The following ASTN1 variants were observed in gnomAD, a reference collection of about 807,000 sequenced individuals.
The protein encoded by ASTN1 is astrotactin 1.
In ASTN1, 41 loss-of-function variants were observed where a neutral mutation model predicts 140.7. The observed-to-expected ratio is 0.29, with a 90% CI of 0.23 to 0.38. The LOEUF (loss-of-function observed/expected upper bound fraction) is 0.38, where lower values mean the gene tolerates loss of function less well. Among genes scored for constraint, ASTN1 ranks in the 10% least tolerant of loss-of-function variants. The probability of loss-of-function intolerance (pLI) is 1.00; values close to 1 mark genes in which losing one functional copy is unlikely to be tolerated. For missense variants in ASTN1, 1,479 were observed against 1,678.8 expected, an observed-to-expected ratio of 0.88 and a Z score of 2.08; for synonymous variants, 640 against 652.2, an observed-to-expected ratio of 0.98 and a Z score of 0.29.
downstream of ASTN1, among the ~76,000 whole-genome samples, chr1:176,858,181 C>T (rs879427755): frequency 6.6e-6 from 1 of 152,184 alleles, no homozygotes; most frequent in Admixed American, 6.5e-5. Context: ...AATCCAATTA[C>T]AGCAGACACT....
Position 176,936,202 on chromosome 1 carries a change from T to C in ASTN1, c.2482+64A>G, listed in dbSNP as rs759736675. ...CTTCGACAGTGGGACCAAAGGCTTC[T>C]CCCCTTGGAAAGGACTTCTAAGTTC... On this transcript the variant is annotated intron_variant, in intron 15 of 22. Coordinates refer to ENST00000361833, the MANE Select transcript of ASTN1 (RefSeq NM_004319.3). 15 of 1,426,878 alleles carry C rather than the reference T, an allele frequency of 1.1e-5. No individual in the cohort carries two copies. In the Admixed American group the frequency reaches 1.2e-4, roughly 11 times the overall value. 88.4% of individuals were successfully genotyped at this position (1,426,878 alleles called of 1,614,324 possible). A position where few individuals can be genotyped will look rare whatever the true frequency, so the allele number is the denominator to read the frequency against.
At chr1:177,114,064 A>G (rs537401864) in intron 1 of ASTN1, among the ~76,000 whole-genome samples, 1 of 152,330 alleles carries the variant, frequency 6.6e-6, no homozygotes, top group Non-Finnish European at 1.5e-5. Flanking sequence ...CAAGGCAAAC[A>G]TGTTGCCTGG....
At chr1:177,128,847 A>G (rs1281143600) in intron 1 of ASTN1, among the ~76,000 whole-genome samples, 2 of 152,208 alleles carry the variant, frequency 1.3e-5, no homozygotes, top group Non-Finnish European at 2.9e-5. Context: ...GGAGATAGCA[A>G]TCACTTATCT....
chr1:177,105,307 C>G (rs1680498261), intron 1 of ASTN1, among the ~76,000 whole-genome samples: 1 of 152,110 alleles, frequency 6.6e-6, no homozygotes, highest in Admixed American at 6.5e-5. Flanking sequence ...TAAATGATTC[C>G]TTAAAAGGCT....
chr1:177,116,101 T>G (rs931192379), intron 1 of ASTN1, among the ~76,000 whole-genome samples: 5 of 152,150 alleles, frequency 3.3e-5, no homozygotes, highest in African/African-American at 4.8e-5. Flanking sequence ...AAAAATCAAG[T>G]TCTCATCCCA....
chr1:176,960,326 A>C (rs2103134019), intron 9 of ASTN1, among the ~76,000 whole-genome samples: 1 of 152,312 alleles, frequency 6.6e-6, no homozygotes, highest in South Asian at 2.1e-4. Flanking sequence ...ACCAAGGAGG[A>C]GGCAGCTTAT....
rs1431505465 is a variant in ASTN1 at position 176,861,305 on chromosome 1, G to A, written c.*2979C>T. The A allele has an allele frequency of 1.0e-6, 1 of 985,578 alleles. No homozygotes were observed. The highest frequency in any genetic ancestry group is 1.2e-6 in the Non-Finnish European group (1 of 829,888). The allele number at this position is 985,578 out of a possible 1,614,324, so 61.1% of individuals were successfully genotyped here. ...GGACCAAACTCCATGGAAAACGATTGCACACTCAATTAAAAGTCTAATGCT... is the reference window on the plus strand; with the variant it reads ...GGACCAAACTCCATGGAAAACGATTACACACTCAATTAAAAGTCTAATGCT... On this transcript the variant is annotated 3_prime_UTR_variant, in exon 23 of 23. Transcript: ENST00000361833.
intron 1 of ASTN1, among the ~76,000 whole-genome samples, chr1:177,089,992 T>C (rs1679666740): frequency 6.6e-6 from 1 of 151,864 alleles, no homozygotes; most frequent in Non-Finnish European, 1.5e-5. Context: ...TGAACCTACA[T>C]GTACACACAT....
intron 8 of ASTN1, among the ~76,000 whole-genome samples, chr1:176,997,076 C>A (rs1332311648): frequency 6.6e-6 from 1 of 152,188 alleles, no homozygotes; most frequent in East Asian, 1.9e-4. Flanking sequence ...AACCAATTCC[C>A]TGACAGGGGT....
chr1:177,157,075 T>C (rs1683270730), intron 1 of ASTN1, among the ~76,000 whole-genome samples: 1 of 152,112 alleles, frequency 6.6e-6, no homozygotes, highest in Admixed American at 6.5e-5. Context: ...GTACCCTGGG[T>C]GAGATCCTGG....
chr1:176,923,882 A>G (rs1446761274), intron 16 of ASTN1, among the ~76,000 whole-genome samples: 1 of 152,190 alleles, frequency 6.6e-6, no homozygotes, highest in East Asian at 1.9e-4. Flanking sequence ...TCTGATGTAG[A>G]ATCTTCCCTT....
At chr1:176,970,731 GGTGTGTGTGT>G (rs10642697) in intron 8 of ASTN1, among the ~76,000 whole-genome samples, 3 of 147,140 alleles carry the variant, frequency 2.0e-5, no homozygotes, top group African/African-American at 2.5e-5. Context: ...TGTGGGTATG[GGTGTGTGTGT>G]GTGTGTGTGT....
chr1:176,906,263 G>A (rs941218972), intron 16 of ASTN1, among the ~76,000 whole-genome samples: 2 of 152,104 alleles, frequency 1.3e-5, no homozygotes, highest in Admixed American at 6.5e-5. Context: ...ATATTTGAAG[G>A]GTTGTCACAT....
chr1:177,012,115 A>T lies in ASTN1; in HGVS notation c.1523+2676T>A, dbSNP rs1323191988. Among the ~76,000 whole-genome samples, 3 of 152,224 alleles carry T rather than the reference A, an allele frequency of 2.0e-5. No individual in the cohort carries two copies. In the East Asian group the frequency reaches 5.8e-4, roughly 29 times the overall value. On this transcript the variant is annotated intron_variant, in intron 8 of 22. Transcript: ENST00000361833. ...TAAATAAAATATTCAGGAAAATCAGACATACCATTGATTTTTCCATAATAC... is the reference window on the plus strand; with the variant it reads ...TAAATAAAATATTCAGGAAAATCAGTCATACCATTGATTTTTCCATAATAC...
chr1:176,957,774 G>A lies in ASTN1; in HGVS notation c.1791C>T (p.Ser597=). The change falls in exon 11 of 23, where the codon TCC becomes TCT. Residue 597 remains serine (S), a synonymous_variant. Transcript: ENST00000361833. The stretch of plus-strand genomic sequence containing the variant: ...TGCTGCAGTCGCGCACCGGCCCAAA[G>A]GAATCTAAGAGAACCTCCAGGCTGT... ...SFDSLEVLLD[S]FGPVRDCSKD... is the part of the protein sequence containing the mutation. 6.2e-7 allele frequency: 1 copy of A among 1,614,018 alleles called. No homozygotes were observed. Among genetic ancestry groups the A allele is most frequent in the Non-Finnish European group, 8.5e-7 (1 of 1,179,992 alleles).
At chr1:177,083,904 T>C (rs1291541264) in intron 1 of ASTN1, among the ~76,000 whole-genome samples, 2 of 152,238 alleles carry the variant, frequency 1.3e-5, no homozygotes, top group African/African-American at 4.8e-5. Flanking sequence ...ATAGACGTTC[T>C]ACATCCTCCT....
At chr1:176,971,972 T>C (rs577860728) in intron 8 of ASTN1, among the ~76,000 whole-genome samples, 9 of 152,286 alleles carry the variant, frequency 5.9e-5, no homozygotes, top group Admixed American at 5.2e-4. Flanking sequence ...CATTGTGTAA[T>C]TATAGCACAT....
rs534533938 is a variant in ASTN1, at chr1:176,926,321, G to C, written c.2671+7831C>G. On this transcript the variant is annotated intron_variant, in intron 16 of 22. Transcript: ENST00000361833. Reference sequence around the variant, plus strand: ...AAAAAAAAAAGGTAGCTATTTGGTAGTAGTATTCTTAGTAACTTTCTCCCT... The same window carrying C: ...AAAAAAAAAAGGTAGCTATTTGGTACTAGTATTCTTAGTAACTTTCTCCCT... Among the ~76,000 whole-genome samples, 21 of 149,836 alleles carry C rather than the reference G, an allele frequency of 1.4e-4. No individual in the cohort carries two copies. The South Asian group carries it at 4.4e-3, about 32-fold the overall frequency.
chr1:177,147,096 T>C (rs1682751629), intron 1 of ASTN1, among the ~76,000 whole-genome samples: 1 of 152,210 alleles, frequency 6.6e-6, no homozygotes, highest in Non-Finnish European at 1.5e-5. Flanking sequence ...TAGTTTGGTG[T>C]TGTTTTATTA....
Sources: allele counts gnomAD v4.1 joint callset (sites outside exome capture counted in the v4.1 genomes callset), GRCh38; gene constraint gnomAD v4.1.1; transcripts MANE v1.5; gene names NCBI Gene and HGNC (gene_info 2026-07-23, HGNC 2026-07-21).